The following TENT5B variants were observed in gnomAD, a reference collection of about 807,000 sequenced individuals.
The protein encoded by TENT5B is terminal nucleotidyltransferase 5B.
Under a neutral mutation model 21.7 loss-of-function variants are expected in TENT5B, and 12 were observed. The ratio of observed to expected loss-of-function variants is 0.55; its 90% CI spans 0.36 to 0.90. The LOEUF is 0.90. Ranked by LOEUF, TENT5B falls within the 40% of genes least tolerant of loss-of-function variation. The probability of loss-of-function intolerance (pLI) is 0.01; values close to 1 mark genes in which losing one functional copy is unlikely to be tolerated. For synonymous variants in TENT5B, 262 were observed against 266.6 expected, an observed-to-expected ratio of 0.98 and a Z score of 0.17; for missense variants, 540 against 601.5, an observed-to-expected ratio of 0.90 and a Z score of 1.07.
intron 1 of TENT5B, among the ~76,000 whole-genome samples, chr1:27,009,833 A>T (rs1570783881): frequency 6.6e-6 from 1 of 152,354 alleles, no homozygotes; most frequent in East Asian, 1.9e-4. Context: ...TCAGCCAGCC[A>T]GTCGCTGTTG....
chr1:27,006,604 G>A lies in TENT5B; in HGVS notation c.618C>T (p.Asp206=), dbSNP rs1557702634. 1 of 1,614,190 alleles carries A rather than the reference G, an allele frequency of 6.2e-7. No homozygotes were observed. Among genetic ancestry groups the A allele is most frequent in the Non-Finnish European group, 8.5e-7 (1 of 1,180,036 alleles). Residue 206 remains aspartate (D), a synonymous_variant, in exon 2 of 2, where the codon GAC becomes GAT. Coordinates refer to ENST00000289166, the MANE Select transcript of TENT5B (RefSeq NM_052943.4). The surrounding 1 kb of genome is among the most constrained non-coding windows in gnomAD (Gnocchi z 9.4). ...SGKNVELKFV[D]SVRRQFEFSI... ...TGAATTCAAACTGGCGTCTCACCGA[G>A]TCCACAAACTTGAGCTCCACGTTCT...
chr1:27,006,853 G>A lies in TENT5B; in HGVS notation c.369C>T (p.Tyr123=). 2 of 1,614,030 alleles carry A rather than the reference G, an allele frequency of 1.2e-6. No individual in the cohort carries two copies. The highest frequency in any genetic ancestry group is 1.7e-6 in the Non-Finnish European group (2 of 1,180,040). ...CCCGGAACACCAGGTCCAGATCCTTGTAGCCCAGGCCACTCTCAGGGTGCA... is the reference window on the plus strand; with the variant it reads ...CCCGGAACACCAGGTCCAGATCCTTATAGCCCAGGCCACTCTCAGGGTGCA... ...HVLHPESGLG[Y]KDLDLVFRVD... The change falls in exon 2 of 2, where the codon TAC becomes TAT. Residue 123 remains tyrosine (Y), a synonymous_variant. Coordinates refer to ENST00000289166, the MANE Select transcript of TENT5B (RefSeq NM_052943.4). The surrounding 1 kb of genome is among the most constrained non-coding windows in gnomAD (Gnocchi z 9.4).
rs1356986247 is a variant in TENT5B at position 27,006,299 on chromosome 1, C to T, written c.923G>A (p.Arg308His). ...VRALQRYMCS[R>H]FFIDFPDLVE... The stretch of plus-strand genomic sequence containing the variant: ...CAGGTCTGGAAAGTCGATGAAGAAG[C>T]GGGAGCACATGTAGCGCTGCAGGGC... The change falls in exon 2 of 2, where the codon CGC becomes CAC. Residue 308 changes from arginine (R) to histidine (H), a missense_variant. By Grantham distance (29) the Arg-to-His change is conservative (BLOSUM62 0). Coordinates refer to ENST00000289166, the MANE Select transcript of TENT5B (RefSeq NM_052943.4). The surrounding 1 kb of genome is among the most constrained non-coding windows in gnomAD (Gnocchi z 9.4). 1 of 1,611,636 alleles carries T rather than the reference C, an allele frequency of 6.2e-7. No homozygotes were observed. The highest frequency in any genetic ancestry group is 1.1e-5 in the South Asian group (1 of 90,952).
chr1:27,007,022 G>C (rs544268863), intron 1 of TENT5B, 65 bp from the exon 2 acceptor site: 9 of 1,421,428 alleles, frequency 6.3e-6, no homozygotes, highest in Non-Finnish European at 8.4e-6. Context: ...AAGGACTTCC[G>C]TTTACTTATC....
At chr1:27,007,899 G>A (rs992318911) in intron 1 of TENT5B, among the ~76,000 whole-genome samples, 13 of 152,154 alleles carry the variant, frequency 8.5e-5, no homozygotes, top group African/African-American at 2.7e-4. Flanking sequence ...GTCACAGAGC[G>A]GTCAGGCTGA....
Position 27,012,644 on chromosome 1 carries a change from C to T in TENT5B, c.27G>A (p.Glu9=), listed in dbSNP as rs1024555894. 1.4e-6 allele frequency: 2 copies of T among 1,481,104 alleles called. No individual in the cohort carries two copies. The highest frequency in any genetic ancestry group is 2.6e-5 in the Admixed American group (1 of 37,902). The allele number at this position is 1,481,104 out of a possible 1,614,324, so 91.7% of individuals were successfully genotyped here. A position where few individuals can be genotyped will look rare whatever the true frequency, so the allele number is the denominator to read the frequency against. ...CCTGAGCAGCCGCCCGGTCCCTGCG[C>T]TCAGCTCCGCTCTCCGACGGCATCA... The part of the protein sequence containing the change: MMPSESGA[E]RRDRAAAQVG... Residue 9 remains glutamate, a synonymous_variant, in exon 1 of 2, where the codon GAG becomes GAA. Transcript: ENST00000289166.
rs368956431 is a variant in TENT5B at position 27,007,477 on chromosome 1, C to T, written c.265-520G>A. ...CGTGATCTCGACTCACTGCAACCTC[C>T]GTCCCCCGAGTTCAAGTGATTCTCC... On this transcript the variant is annotated intron_variant, in intron 1 of 1. Coordinates refer to ENST00000289166, the MANE Select transcript of TENT5B (RefSeq NM_052943.4). Among the ~76,000 whole-genome samples, 23 of 151,760 alleles carry T rather than the reference C, an allele frequency of 1.5e-4. No homozygotes were observed. In the East Asian group the frequency reaches 3.3e-3, roughly 22 times the overall value.
Position 27,006,579 on chromosome 1 carries a change from T to C in TENT5B, c.643A>G (p.Ser215Gly), listed in dbSNP as rs1329355389. ...VDSVRRQFEF[S>G]IDSFQIILDS... is the part of the protein sequence containing the mutation. ...AGGATGATCTGGAAGGAGTCTATGC[T>C]GAATTCAAACTGGCGTCTCACCGAG... Residue 215 changes from serine to glycine, a missense_variant, in exon 2 of 2, where the codon AGC becomes GGC. By Grantham distance (56) the Ser-to-Gly change is moderately conservative (BLOSUM62 0). Transcript: ENST00000289166. The surrounding 1 kb of genome is among the most constrained non-coding windows in gnomAD (Gnocchi z 9.4). 3 of 1,614,178 alleles carry C rather than the reference T, an allele frequency of 1.9e-6. No individual in the cohort carries two copies. Among genetic ancestry groups the C allele is most frequent in the Non-Finnish European group, 2.5e-6 (3 of 1,180,040 alleles).
At chr1:27,008,746 C>T (rs545174740) in intron 1 of TENT5B, among the ~76,000 whole-genome samples, 14 of 151,730 alleles carry the variant, frequency 9.2e-5, no homozygotes, top group South Asian at 4.2e-4. Flanking sequence ...GGATTACAGG[C>T]GCCCATCACC....
At chr1:27,009,679 T>C (rs2124206942) in intron 1 of TENT5B, among the ~76,000 whole-genome samples, 1 of 152,286 alleles carries the variant, frequency 6.6e-6, no homozygotes, top group Admixed American at 6.5e-5. Context: ...CTTCCTCAGA[T>C]CCCATTAGGG....
intron 1 of TENT5B, among the ~76,000 whole-genome samples, chr1:27,007,781 G>A (rs988864248): frequency 4.3e-4 from 66 of 152,282 alleles, no homozygotes; most frequent in African/African-American, 1.5e-3. Context: ...TGGGAATATG[G>A]TTAGCAGTTC....
At position 27,012,390 on chromosome 1, in the gene TENT5B, G is replaced by A. The variant is rs1172790989; in HGVS notation, c.264+17C>T. The A allele has an allele frequency of 6.2e-7, 1 of 1,607,420 alleles. No individual in the cohort carries two copies. Among genetic ancestry groups the A allele is most frequent in the Admixed American group, 1.7e-5 (1 of 59,400 alleles). On this transcript the variant is annotated intron_variant, in intron 1 of 1. Coordinates refer to ENST00000289166, the MANE Select transcript of TENT5B (RefSeq NM_052943.4). ...CAGAAGGGATTCCCCCACATCCCCC[G>A]CCTGGCGTCCTCTCACCTGCACGAT... is the stretch of plus-strand genomic sequence containing the variant.
At chr1:27,012,169 T>G (rs2082626866) in intron 1 of TENT5B, among the ~76,000 whole-genome samples, 1 of 152,002 alleles carries the variant, frequency 6.6e-6, no homozygotes, top group African/African-American at 2.4e-5. Flanking sequence ...CCTGGGTGAG[T>G]GATCCGTGGG....
chr1:27,005,635 C>A lies in TENT5B; in HGVS notation c.*309G>T, dbSNP rs1240004943. ...AAGGTGCTGGGCATTAAGGCTACCA[C>A]CCCAAACTTGCTTTGTCTCCTGAAG... On this transcript the variant is annotated 3_prime_UTR_variant, in exon 2 of 2. Transcript: ENST00000289166. 1.0e-5 allele frequency: 4 copies of A among 382,278 alleles called. No homozygotes were observed. The South Asian group carries it at 2.5e-4, about 24-fold the overall frequency. 23.7% of individuals were successfully genotyped at this position (382,278 alleles called of 1,614,324 possible).
rs191061519 is a variant in TENT5B, at chr1:27,011,160, G to C, written c.264+1247C>G. Among the ~76,000 whole-genome samples, 947 of 148,740 alleles carry C rather than the reference G, an allele frequency of 6.4e-3. 3 individuals carry two copies. Among genetic ancestry groups the C allele is most frequent in the South Asian group, 9.5e-3 (46 of 4,826 alleles). On this transcript the variant is annotated intron_variant, in intron 1 of 1. Transcript: ENST00000289166. The stretch of plus-strand genomic sequence containing the variant: ...ACAGCGAGCAGCCGAGGAATGCCTC[G>C]GCGAACTCCACTGGGCCGCGTGTGA...
rs2082631449 is a variant in TENT5B, at chr1:27,012,826, C to T, written c.-156G>A. On this transcript the variant is annotated 5_prime_UTR_variant, in exon 1 of 2. Transcript: ENST00000289166. ...CAAAGCCAGGGAACACCTCAGACGG[C>T]GACGACTAACCGACCCTAGCGCCTG... 5.0e-6 allele frequency: 5 copies of T among 1,003,896 alleles called. No homozygotes were observed. Among genetic ancestry groups the T allele is most frequent in the East Asian group, 3.2e-5 (1 of 31,370 alleles). 62.2% of individuals were successfully genotyped at this position (1,003,896 alleles called of 1,614,324 possible).
At position 27,006,437 on chromosome 1, in the gene TENT5B, C is replaced by T. The variant is rs372912900; in HGVS notation, c.785G>A (p.Arg262Gln). The change falls in exon 2 of 2, where the codon CGG (arginine) becomes CAG (glutamine). Residue 262 changes from arginine to glutamine, a missense_variant. Physicochemically the swap from Arg to Gln is conservative, Grantham distance 43. Transcript: ENST00000289166. The surrounding 1 kb of genome is among the most constrained non-coding windows in gnomAD (Gnocchi z 9.4). The part of the protein sequence containing the change: ...GDFTEALEHL[R>Q]HRVIATRSPE... ...ACTGCGCGTGGCGATGACACGGTGC[C>T]GCAGGTGCTCCAGGGCCTCGGTGAA... 5 of 1,613,476 alleles carry T rather than the reference C, an allele frequency of 3.1e-6. No homozygotes were observed. In the African/African-American group the frequency reaches 4.0e-5, roughly 13 times the overall value.
intron 1 of TENT5B, among the ~76,000 whole-genome samples, chr1:27,007,811 C>A (rs2082607945): frequency 6.6e-6 from 1 of 152,168 alleles, no homozygotes; most frequent in African/African-American, 2.4e-5. Context: ...ACCACATTAA[C>A]CCTCCCCATA....
At position 27,006,558 on chromosome 1, in the gene TENT5B, T is replaced by C. The variant is rs1178739236; in HGVS notation, c.664A>G (p.Ile222Val). 2 of 1,614,144 alleles carry C rather than the reference T, an allele frequency of 1.2e-6. No individual in the cohort carries two copies. The highest frequency in any genetic ancestry group is 2.2e-5 in the South Asian group (2 of 91,088). Reference sequence around the variant, plus strand: ...CCAAAGAGCAACAGGGAGTCCAGGATGATCTGGAAGGAGTCTATGCTGAAT... The same window carrying C: ...CCAAAGAGCAACAGGGAGTCCAGGACGATCTGGAAGGAGTCTATGCTGAAT... ...FEFSIDSFQI[I>V]LDSLLLFGQC... is the part of the protein sequence containing the mutation. Residue 222 changes from isoleucine to valine, a missense_variant, in exon 2 of 2, where the codon ATC becomes GTC. Transcript: ENST00000289166. This position sits in a 1 kb window ranked among gnomAD's most constrained non-coding sequence, Gnocchi z 9.4.
Sources: allele counts gnomAD v4.1 joint callset (sites outside exome capture counted in the v4.1 genomes callset), GRCh38; gene constraint gnomAD v4.1.1; non-coding constraint Gnocchi (gnomAD v3.1); transcripts MANE v1.5; gene names NCBI Gene and HGNC (gene_info 2026-07-23, HGNC 2026-07-21).